Variants in PAPLN observed in about 807,000 individuals in gnomAD.
PAPLN encodes the protein papilin.
In PAPLN, 146 loss-of-function variants were observed where a neutral mutation model predicts 159.0. The observed-to-expected ratio is 0.92, with a 90% CI of 0.80 to 1.05. PAPLN has a LOEUF of 1.05. PAPLN is among the 50% of genes least tolerant of loss of function. The probability of loss-of-function intolerance (pLI) is 0.00; values close to 1 mark genes in which losing one functional copy is unlikely to be tolerated. For synonymous variants in PAPLN, 734 were observed against 702.9 expected, an observed-to-expected ratio of 1.04 and a Z score of -0.70; for missense variants, 1,720 against 1,743.9, an observed-to-expected ratio of 0.99 and a Z score of 0.24.
Position 73,262,722 on chromosome 14 carries a change from A to C in PAPLN, c.2618A>C (p.Gln873Pro), listed in dbSNP as rs769620827. 4.6e-5 allele frequency: 69 copies of C among 1,508,946 alleles called. 1 individual carries two copies. The South Asian group carries it at 9.2e-4, about 20-fold the overall frequency. The allele number at this position is 1,508,946 out of a possible 1,614,324, so 93.5% of individuals were successfully genotyped here. A position where few individuals can be genotyped will look rare whatever the true frequency, so the allele number is the denominator to read the frequency against. ...GGGCCAGGGGAGGCCCCCCACACCCAGGCCTTTGGAGAATGGCCATGGGGG... is the reference window on the plus strand; with the variant it reads ...GGGCCAGGGGAGGCCCCCCACACCCCGGCCTTTGGAGAATGGCCATGGGGG... ...QPGPGEAPHT[Q>P]AFGEWPWGQE... Residue 873 changes from glutamine (Q) to proline (P), a missense_variant, in exon 19 of 27, where the codon CAG (glutamine) becomes CCG (proline). Coordinates refer to ENST00000644200, the MANE Select transcript of PAPLN (RefSeq NM_001365906.3).
At position 73,254,522 on chromosome 14, in the gene PAPLN, A is replaced by T. The variant is rs1327818335; in HGVS notation, c.1312A>T (p.Ser438Cys). 20 of 1,613,786 alleles carry T rather than the reference A, an allele frequency of 1.2e-5. No homozygotes were observed. In the African/African-American group the frequency reaches 2.5e-4, roughly 20 times the overall value. The change falls in exon 13 of 27, where the codon AGT (serine) becomes TGT (cysteine). Residue 438 changes from serine (S) to cysteine (C), a missense_variant. Physicochemically the swap from Ser to Cys is moderately radical, Grantham distance 112. Transcript: ENST00000644200. ...SPEPWGECSV[S>C]CGVGVRKRSV... Reference sequence around the variant, plus strand: ...AGCCTTGTCCTTGCAGTGTTCTGTCAGTTGTGGCGTTGGCGTCCGGAAGCG... The same window carrying T: ...AGCCTTGTCCTTGCAGTGTTCTGTCTGTTGTGGCGTTGGCGTCCGGAAGCG...
intron 10 of PAPLN, 53 bp from the exon 11 acceptor site, chr14:73,252,596 C>T (rs1035267773): frequency 2.9e-5 from 46 of 1,591,324 alleles, no homozygotes; most frequent in South Asian, 6.8e-5. Context: ...CCAGGGAACG[C>T]GCTTGGTGAA....
At chr14:73,264,528 CCTT>C in intron 21 of PAPLN, 57 bp from the exon 22 acceptor site, 2 of 1,553,698 alleles carry the variant, frequency 1.3e-6, no homozygotes, top group Non-Finnish European at 1.7e-6. Context: ...CATGGCCCGC[CCTT>C]CCTTCCACTC....
At chr14:73,238,891 A>C (rs530968751) in intron 1 of PAPLN, among the ~76,000 whole-genome samples, 21 of 152,358 alleles carry the variant, frequency 1.4e-4, no homozygotes, top group Middle Eastern at 3.4e-3. Context: ...TTTAAAGTTC[A>C]AACCTGCACG....
chr14:73,237,402 G>C (rs1373065927), upstream of PAPLN: 1 of 152,336 alleles, frequency 6.6e-6, no homozygotes, highest in Admixed American at 6.5e-5. Flanking sequence ...GAAGGGCTCT[G>C]TCCTCCCACG....
At chr14:73,272,411 TTGAAGGAAATG>T in intron 26 of PAPLN, 73 bp from the exon 27 acceptor site, 1 of 1,318,910 alleles carries the variant, frequency 7.6e-7, no homozygotes, top group Non-Finnish European at 1.0e-6. Context: ...CTGTGTTCCT[TTGAAGGAAATG>T]AAATGGCAGG....
At chr14:73,244,251 A>G (rs1052431154) in intron 2 of PAPLN, 1 of 169,652 alleles carries the variant, frequency 5.9e-6, no homozygotes, top group Non-Finnish European at 1.3e-5. Context: ...CCAGATTAGC[A>G]GGATCCCCCC....
Position 73,245,674 on chromosome 14 carries a change from GC to G in PAPLN, c.211del (p.His71ThrfsTer48). 6.4e-7 allele frequency: 1 copy of G among 1,555,486 alleles called. No individual in the cohort carries two copies. ...GGSSCVGPARSHRSCRTESCP... is the reference protein window; with the variant it reads ...GGSSCVGPARXHRSCRTESCP... ...TCCAGCTGCGTGGGCCCCGCCCGGAGCCACCGCTCTTGTCGCACGGAGGTAA... is the reference window on the plus strand; with the variant it reads ...TCCAGCTGCGTGGGCCCCGCCCGGAGCACCGCTCTTGTCGCACGGAGGTAA... On this transcript the variant is annotated frameshift_variant, in exon 4 of 27. Coordinates refer to ENST00000644200, the MANE Select transcript of PAPLN (RefSeq NM_001365906.3). LOFTEE classifies it high-confidence loss of function. This position sits in a 1 kb window ranked among gnomAD's most constrained non-coding sequence, Gnocchi z 4.2.
chr14:73,264,883 C>G (rs1406401962), intron 22 of PAPLN, among the ~76,000 whole-genome samples, 157 bp downstream of exon 22: 1 of 152,236 alleles, frequency 6.6e-6, no homozygotes, highest in Non-Finnish European at 1.5e-5. Flanking sequence ...GCTCCCAGAG[C>G]TGGGCCTCTT....
Position 73,262,733 on chromosome 14 carries a change from G to T in PAPLN, c.2629G>T (p.Glu877Ter), listed in dbSNP as rs768830790. 3.3e-6 allele frequency: 5 copies of T among 1,512,378 alleles called. No individual in the cohort carries two copies. The highest frequency in any genetic ancestry group is 4.4e-6 in the Non-Finnish European group (5 of 1,134,454). 93.7% of individuals were successfully genotyped at this position (1,512,378 alleles called of 1,614,324 possible). A position where few individuals can be genotyped will look rare whatever the true frequency, so the allele number is the denominator to read the frequency against. ...GGCCCCCCACACCCAGGCCTTTGGA[G>T]AATGGCCATGGGGGCAGGAGCTTGG... ...GEAPHTQAFG[E>*]WPWGQELGSR... is the part of the protein sequence containing the mutation. Residue 877 changes from glutamate (E) to a stop codon, truncating the protein, a stop_gained, in exon 19 of 27, where the codon GAA becomes TAA. Transcript: ENST00000644200. LOFTEE classifies it high-confidence loss of function.
rs376948750 is a variant in PAPLN at position 73,251,044 on chromosome 14, C to T, written c.589+14C>T. Reference sequence around the variant, plus strand: ...ACCTCAGCCGAGGTGGGGGTGGTTCCGACAAGGGGCAGTTGCCTGCCCCCT... The same window carrying T: ...ACCTCAGCCGAGGTGGGGGTGGTTCTGACAAGGGGCAGTTGCCTGCCCCCT... On this transcript the variant is annotated intron_variant, in intron 7 of 26. Coordinates refer to ENST00000644200, the MANE Select transcript of PAPLN (RefSeq NM_001365906.3). 1.9e-5 allele frequency: 30 copies of T among 1,604,558 alleles called. No homozygotes were observed. Among genetic ancestry groups the T allele is most frequent in the African/African-American group, 2.7e-5 (2 of 74,826 alleles).
intron 11 of PAPLN, chr14:73,253,037 G>A: frequency 8.7e-7 from 1 of 1,146,238 alleles, no homozygotes. Context: ...GGTTGGAGAA[G>A]GTTCCAGAGG....
chr14:73,251,151 G>C, intron 7 of PAPLN, 121 bp downstream of exon 7: 1 of 1,467,964 alleles, frequency 6.8e-7, no homozygotes, highest in Non-Finnish European at 9.1e-7. Flanking sequence ...GGAAGGCTCT[G>C]ATCATATCAG....
chr14:73,259,125 G>A, intron 15 of PAPLN, 66 bp downstream of exon 15: 1 of 1,544,098 alleles, frequency 6.5e-7, no homozygotes, highest in Non-Finnish European at 8.8e-7. Flanking sequence ...GATGGTACAT[G>A]GGGGTGTGGG....
intron 11 of PAPLN, 28 bp downstream of exon 11, chr14:73,252,803 T>G (rs757354926): frequency 6.2e-7 from 1 of 1,611,640 alleles, no homozygotes; most frequent in Non-Finnish European, 8.5e-7. Flanking sequence ...CCTCTACCCA[T>G]GATGAGGCCC....
chr14:73,252,184 G>T, intron 10 of PAPLN, 43 bp downstream of exon 10: 1 of 1,532,926 alleles, frequency 6.5e-7, no homozygotes, highest in Non-Finnish European at 8.8e-7. Context: ...GGCCCTGTGT[G>T]CTGGATCCCA....
chr14:73,268,588 C>A lies in PAPLN; in HGVS notation c.3532C>A (p.Arg1178Ser), dbSNP rs762384983. 6.2e-7 allele frequency: 1 copy of A among 1,613,394 alleles called. No homozygotes were observed. Among genetic ancestry groups the A allele is most frequent in the East Asian group, 2.2e-5 (1 of 44,860 alleles). Reference sequence around the variant, plus strand: ...GCTACCTGTGCAGGCTGATGGCCACCGTGTCCACCAGTCCCCAGATGGCAC... The same window carrying A: ...GCTACCTGTGCAGGCTGATGGCCACAGTGTCCACCAGTCCCCAGATGGCAC... ...NGLPVQADGH[R>S]VHQSPDGTLL... The change falls in exon 26 of 27, where the codon CGT (arginine) becomes AGT (serine). Residue 1178 changes from arginine (R) to serine (S), a missense_variant. Coordinates refer to ENST00000644200, the MANE Select transcript of PAPLN (RefSeq NM_001365906.3).
At position 73,245,712 on chromosome 14, in the gene PAPLN, C is replaced by T. The variant is rs1243981726; in HGVS notation, c.231+16C>T. The T allele has an allele frequency of 6.5e-7, 1 of 1,541,050 alleles. No individual in the cohort carries two copies. Among genetic ancestry groups the T allele is most frequent in the Non-Finnish European group, 8.7e-7 (1 of 1,147,582 alleles). On this transcript the variant is annotated intron_variant, in intron 4 of 26. Coordinates refer to ENST00000644200, the MANE Select transcript of PAPLN (RefSeq NM_001365906.3). This position sits in a 1 kb window ranked among gnomAD's most constrained non-coding sequence, Gnocchi z 4.2. ...TCGCACGGAGGTAAAGCTCACGGGG[C>T]GCGGGCGAAGGCACCAGCTTCCCCA... is the stretch of plus-strand genomic sequence containing the variant.
intron 25 of PAPLN, among the ~76,000 whole-genome samples, chr14:73,267,320 T>C (rs1308572888): frequency 6.6e-6 from 1 of 152,214 alleles, no homozygotes; most frequent in Non-Finnish European, 1.5e-5. Flanking sequence ...TTTATATTTG[T>C]CCATTCATTT....
Sources: allele counts gnomAD v4.1 joint callset (sites outside exome capture counted in the v4.1 genomes callset), GRCh38; gene constraint gnomAD v4.1.1; non-coding constraint Gnocchi (gnomAD v3.1); transcripts MANE v1.5; gene names NCBI Gene and HGNC (gene_info 2026-07-23, HGNC 2026-07-21).